The following CTNNA2 variants were observed in gnomAD, a reference collection of about 807,000 sequenced individuals.
CTNNA2 encodes catenin alpha-2.
CTNNA2 carries 42 observed loss-of-function variants against 101.0 expected under a neutral mutation model. The ratio of observed to expected loss-of-function variants is 0.42; its 90% CI spans 0.32 to 0.54. The LOEUF is 0.54. Among genes scored for constraint, CTNNA2 ranks in the 20% least tolerant of loss-of-function variants. The pLI is 0.14. For missense variants in CTNNA2, 871 were observed against 1,223.1 expected, an observed-to-expected ratio of 0.71 and a Z score of 4.29; for synonymous variants, 450 against 456.4, an observed-to-expected ratio of 0.99 and a Z score of 0.18.
At chr2:80,131,402 A>G (rs574530945) in intron 7 of CTNNA2, among the ~76,000 whole-genome samples, 1 of 152,220 alleles carries the variant, frequency 6.6e-6, no homozygotes, top group Non-Finnish European at 1.5e-5. Flanking sequence ...GGAAACATAC[A>G]CAGAAACTCA....
At chr2:80,441,136 T>TCCA (rs1221528683) in intron 9 of CTNNA2, among the ~76,000 whole-genome samples, 3 of 152,194 alleles carry the variant, frequency 2.0e-5, no homozygotes, top group Non-Finnish European at 4.4e-5. Context: ...GTTCAAGTAC[T>TCCA]TGTGGAAGTA....
chr2:80,335,633 C>A (rs1671708572), intron 7 of CTNNA2, among the ~76,000 whole-genome samples: 1 of 152,098 alleles, frequency 6.6e-6, no homozygotes, highest in Non-Finnish European at 1.5e-5. Flanking sequence ...GTACTTGGCA[C>A]CAGATGAGAA....
At chr2:79,318,035 T>G (rs979065133) in intron 3 of CTNNA2, among the ~76,000 whole-genome samples, 3 of 151,984 alleles carry the variant, frequency 2.0e-5, no homozygotes, top group Admixed American at 2.0e-4. Flanking sequence ...CTTAAACAAA[T>G]AAAAGATAAA....
At chr2:80,373,564 C>T (rs1675648407) in intron 7 of CTNNA2, among the ~76,000 whole-genome samples, 1 of 152,170 alleles carries the variant, frequency 6.6e-6, no homozygotes, top group Non-Finnish European at 1.5e-5. Context: ...TGGATGCTTA[C>T]TGAAATGAGA....
intron 4 of CTNNA2, among the ~76,000 whole-genome samples, chr2:79,860,512 TGCAA>T (rs1221216528): frequency 3.6e-4 from 54 of 149,382 alleles, no homozygotes; most frequent in African/African-American, 1.3e-3. Context: ...GGGAGTCAAT[TGCAA>T]TCTCTTCTCC....
At chr2:79,880,336 T>C (rs772689065) in intron 6 of CTNNA2, among the ~76,000 whole-genome samples, 27 of 152,298 alleles carry the variant, frequency 1.8e-4, no homozygotes, top group East Asian at 1.9e-4. Flanking sequence ...CTCCATAAAA[T>C]GAGTTAGGGA....
At chr2:79,781,220 AT>A (rs1674399553) in intron 3 of CTNNA2, among the ~76,000 whole-genome samples, 1 of 152,166 alleles carries the variant, frequency 6.6e-6, no homozygotes, top group African/African-American at 2.4e-5. Context: ...TGACGTTGCC[AT>A]GGCATTTGTA....
At chr2:80,233,348 A>G (rs1709365306) in intron 7 of CTNNA2, among the ~76,000 whole-genome samples, 1 of 151,908 alleles carries the variant, frequency 6.6e-6, no homozygotes, top group Non-Finnish European at 1.5e-5. Context: ...GGAAGTGTCG[A>G]TTTGAGACTC....
At chr2:80,587,264 T>C (rs1178102611) in intron 14 of CTNNA2, among the ~76,000 whole-genome samples, 1 of 152,160 alleles carries the variant, frequency 6.6e-6, no homozygotes, top group Non-Finnish European at 1.5e-5. Context: ...TACCCAGTAC[T>C]TGTGGATATA....
In CTNNA2 at chr2:80,303,576, C is replaced by A; in HGVS notation, c.1057-89635C>A. The A allele has an allele frequency of 1.2e-6, 2 of 1,614,218 alleles. No individual in the cohort carries two copies. The highest frequency in any genetic ancestry group is 4.5e-5 in the East Asian group (2 of 44,876). ...TGCATTAACCCCGTGAACTGGCCGG[C>A]GCGCAGCTCCGAGAGGCTGTTGTAG... On this transcript the variant is annotated intron_variant, in intron 7 of 18. Transcript: ENST00000402739. This position sits in a 1 kb window ranked among gnomAD's most constrained non-coding sequence, Gnocchi z 7.7.
Position 79,874,385 on chromosome 2 carries a change from T to C in CTNNA2, c.852+43T>C, listed in dbSNP as rs76283151. On this transcript the variant is annotated intron_variant, in intron 6 of 18. Coordinates refer to ENST00000402739, the MANE Select transcript of CTNNA2 (RefSeq NM_001282597.3). ...GTACACAGAGGGGTGGGCACTGGTGTTGACAAAAAAAAAAAATGTATTGAG... is the reference window on the plus strand; with the variant it reads ...GTACACAGAGGGGTGGGCACTGGTGCTGACAAAAAAAAAAAATGTATTGAG... 67,777 of 1,565,916 alleles carry C rather than the reference T, an allele frequency of 0.043. 5,217 individuals are homozygous for C. Among genetic ancestry groups the C allele is most frequent in the East Asian group, 0.32 (13,882 of 43,594 alleles).
intron 6 of CTNNA2, among the ~76,000 whole-genome samples, chr2:79,895,113 A>G (rs534982230): frequency 1.4e-4 from 21 of 152,340 alleles, no homozygotes; most frequent in Non-Finnish European, 2.8e-4. Context: ...TCTATTATAT[A>G]TAATTTAAAT....
intron 3 of CTNNA2, among the ~76,000 whole-genome samples, chr2:79,756,853 A>G (rs1672434715): frequency 6.6e-6 from 1 of 152,354 alleles, no homozygotes; most frequent in East Asian, 1.9e-4. Context: ...GGAAATGCAA[A>G]TTAAACAACA....
intron 6 of CTNNA2, among the ~76,000 whole-genome samples, chr2:79,896,661 G>A (rs1313935804): frequency 6.6e-6 from 1 of 152,184 alleles, no homozygotes; most frequent in Non-Finnish European, 1.5e-5. Flanking sequence ...ACACGTGTGT[G>A]CACACAGGCG....
intron 7 of CTNNA2, among the ~76,000 whole-genome samples, chr2:80,223,625 G>C (rs1472055466): frequency 6.6e-6 from 1 of 152,152 alleles, no homozygotes; most frequent in Non-Finnish European, 1.5e-5. Context: ...CCATATCACA[G>C]AACACTCAAG....
At chr2:79,582,634 A>AAT (rs1021023092) in intron 1 of CTNNA2, among the ~76,000 whole-genome samples, 36 of 152,154 alleles carry the variant, frequency 2.4e-4, no homozygotes, top group Middle Eastern at 3.4e-3. Flanking sequence ...ATTTGTTTTA[A>AAT]ATATATATAT....
At chr2:80,362,036 A>G (rs1481314886) in intron 7 of CTNNA2, among the ~76,000 whole-genome samples, 1 of 152,296 alleles carries the variant, frequency 6.6e-6, no homozygotes, top group Non-Finnish European at 1.5e-5. Flanking sequence ...CTTGGTAATT[A>G]GGGTGACCAT....
At chr2:79,444,272 G>A (rs1410739735) in intron 4 of CTNNA2, among the ~76,000 whole-genome samples, 1 of 152,102 alleles carries the variant, frequency 6.6e-6, no homozygotes, top group African/African-American at 2.4e-5. Flanking sequence ...TAGATAACTA[G>A]TGTATATAAA....
At chr2:79,847,442 C>T (rs1440031134) in intron 3 of CTNNA2, among the ~76,000 whole-genome samples, 1 of 140,068 alleles carries the variant, frequency 7.1e-6, no homozygotes, top group Non-Finnish European at 1.5e-5. Flanking sequence ...ACTCAGGGGG[C>T]TGAGGCAGGA....
Sources: allele counts gnomAD v4.1 joint callset (sites outside exome capture counted in the v4.1 genomes callset), GRCh38; gene constraint gnomAD v4.1.1; non-coding constraint Gnocchi (gnomAD v3.1); transcripts MANE v1.5; gene names NCBI Gene and HGNC (gene_info 2026-07-23, HGNC 2026-07-21).